The following DCPS variants were observed in gnomAD, a reference collection of about 807,000 sequenced individuals.
DCPS encodes the protein decapping enzyme, scavenger.
In DCPS, 27 loss-of-function variants were observed where a neutral mutation model predicts 34.7. The observed-to-expected ratio is 0.78, with a 90% CI of 0.57 to 1.07. DCPS has a LOEUF of 1.07. DCPS is among the 50% of genes least tolerant of loss of function. DCPS has a pLI of 0.00. For missense variants in DCPS, 464 were observed against 436.9 expected (o/e 1.06, Z -0.55); for synonymous variants, 185 against 185.7 (o/e 1.00, Z 0.03).
chr11:126,343,512 C>G, intron 5 of DCPS, 95 bp downstream of exon 5: 1 of 1,049,762 alleles, frequency 9.5e-7, no homozygotes, highest in East Asian at 2.6e-5. Flanking sequence ...TCCCAGAGTC[C>G]ATCTTGGAGA....
At chr11:126,321,010 C>G (rs1951702199) in intron 2 of DCPS, among the ~76,000 whole-genome samples, 1 of 151,978 alleles carries the variant, frequency 6.6e-6, no homozygotes, top group Non-Finnish European at 1.5e-5. Context: ...ACTCCCAGCA[C>G]TTTGGGAGGC....
chr11:126,308,660 T>C (rs1240945955), intron 2 of DCPS, among the ~76,000 whole-genome samples: 1 of 152,200 alleles, frequency 6.6e-6, no homozygotes, highest in African/African-American at 2.4e-5. Flanking sequence ...GCCCCCTGCA[T>C]TGCAGGCTCT....
rs189872207 is a variant in DCPS, at chr11:126,312,075, C to T, written c.376+5331C>T. On this transcript the variant is annotated intron_variant, in intron 2 of 5. Coordinates refer to ENST00000263579, the MANE Select transcript of DCPS (RefSeq NM_014026.6). The surrounding 1 kb of genome is among the most constrained non-coding windows in gnomAD (Gnocchi z 5.1). ...CCTCCCGAGTAGCTGGGATTACAGG[C>T]ATCCTCCACCATGCCTGGCTAATTT... Among the ~76,000 whole-genome samples the T allele has an allele frequency of 6.6e-6, 1 of 152,094 alleles. No homozygotes were observed. Among genetic ancestry groups the T allele is most frequent in the South Asian group, 2.1e-4 (1 of 4,812 alleles).
rs539269923 is a variant in DCPS, at chr11:126,338,852, C to T, written c.636+453C>T. 4.6e-5 allele frequency among the ~76,000 whole-genome samples: 7 copies of T among 152,298 alleles called. No homozygotes were observed. The highest frequency in any genetic ancestry group is 7.3e-5 in the Non-Finnish European group (5 of 68,032). On this transcript the variant is annotated intron_variant, in intron 4 of 5. Transcript: ENST00000263579. The surrounding 1 kb of genome is among the most constrained non-coding windows in gnomAD (Gnocchi z 5.4). ...AACCCAAGGCATCTCCTCCTCAGCCCGAGCTGTGGAGTAGCTTAGCCCAGA... is the reference window on the plus strand; with the variant it reads ...AACCCAAGGCATCTCCTCCTCAGCCTGAGCTGTGGAGTAGCTTAGCCCAGA...
rs1305079448 is a variant in DCPS, at chr11:126,344,233, G to A, written c.747+816G>A. Among the ~76,000 whole-genome samples, 1 of 152,216 alleles carries A rather than the reference G, an allele frequency of 6.6e-6. No individual in the cohort carries two copies. The highest frequency in any genetic ancestry group is 1.5e-5 in the Non-Finnish European group (1 of 68,040). On this transcript the variant is annotated intron_variant, in intron 5 of 5. Transcript: ENST00000263579. This position sits in a 1 kb window ranked among gnomAD's most constrained non-coding sequence, Gnocchi z 8.1. ...GGTGTTAATGCAGACCTGGAGGCAA[G>A]GCTCTGCCCATACCCAGCTTCCCCT...
In DCPS at chr11:126,345,599, G is replaced by T. The variant is rs749537300; in HGVS notation, c.1000G>T (p.Ala334Ser). The stretch of plus-strand genomic sequence containing the variant: ...CCCCCTGCTCAAGCTCTTGCAGGAG[G>T]CTCAGCAAAGCTGAATTAACTCAGG... ...DDPLLKLLQE[A>S]QQS The change falls in exon 6 of 6, where the codon GCT becomes TCT. Residue 334 changes from alanine to serine, a missense_variant. Physicochemically the swap from Ala to Ser is moderately conservative, Grantham distance 99. Coordinates refer to ENST00000263579, the MANE Select transcript of DCPS (RefSeq NM_014026.6). This position sits in a 1 kb window ranked among gnomAD's most constrained non-coding sequence, Gnocchi z 7.4. 1 of 1,612,798 alleles carries T rather than the reference G, an allele frequency of 6.2e-7. No individual in the cohort carries two copies. Among genetic ancestry groups the T allele is most frequent in the Admixed American group, 1.7e-5 (1 of 60,026 alleles).
chr11:126,340,190 C>G (rs1951865705), intron 4 of DCPS, among the ~76,000 whole-genome samples: 1 of 152,212 alleles, frequency 6.6e-6, no homozygotes, highest in South Asian at 2.1e-4. Context: ...ACAGGAAAGA[C>G]TTTAGGAGCT....
chr11:126,306,838 G>A, intron 2 of DCPS, 94 bp downstream of exon 2: 2 of 1,400,958 alleles, frequency 1.4e-6, no homozygotes, highest in South Asian at 2.9e-5. Context: ...TACCCGATTT[G>A]CATATTCTAG....
At chr11:126,318,622 T>G (rs910234355) in intron 2 of DCPS, among the ~76,000 whole-genome samples, 1 of 152,232 alleles carries the variant, frequency 6.6e-6, no homozygotes, top group Non-Finnish European at 1.5e-5. Context: ...CTGGCTCTTG[T>G]GGAGAGGACA....
chr11:126,326,496 G>T (rs1276959105), intron 2 of DCPS, among the ~76,000 whole-genome samples: 1 of 152,174 alleles, frequency 6.6e-6, no homozygotes, highest in African/African-American at 2.4e-5. Context: ...GTTCATTTTT[G>T]CGTGTCAGGC....
At chr11:126,307,850 G>A (rs2096914) in intron 2 of DCPS, among the ~76,000 whole-genome samples, 29,899 of 152,142 alleles carry the variant, frequency 0.2, 3,991 homozygotes, top group East Asian at 0.65. Context: ...TGAGGAAACC[G>A]GTTTTTGAAA....
intron 2 of DCPS, among the ~76,000 whole-genome samples, chr11:126,307,411 A>AAC (rs1215779888): frequency 6.6e-6 from 1 of 151,122 alleles, no homozygotes; most frequent in Non-Finnish European, 1.5e-5. Flanking sequence ...GGGATAGAAT[A>AAC]ATATATATAT....
At position 126,347,318 on chromosome 11, in the gene DCPS, G is replaced by C. The variant is rs1023735754; in HGVS notation, c.*1705G>C. ...GACTCACTGCAACCTCTGCCTCCTG[G>C]GTTCAAGTGATTCTCCTGCCTCAGC... On this transcript the variant is annotated 3_prime_UTR_variant, in exon 6 of 6. Coordinates refer to ENST00000263579, the MANE Select transcript of DCPS (RefSeq NM_014026.6). This position sits in a 1 kb window ranked among gnomAD's most constrained non-coding sequence, Gnocchi z 4.2. Among the ~76,000 whole-genome samples the C allele has an allele frequency of 6.6e-6, 1 of 151,132 alleles. No homozygotes were observed. The highest frequency in any genetic ancestry group is 1.5e-5 in the Non-Finnish European group (1 of 67,908).
In DCPS at chr11:126,334,363, G is replaced by A. The variant is rs1951815080; in HGVS notation, c.522+2813G>A. ...TTATTTATTATTTATTTATTTTTGA[G>A]ATGGAGTTTCACTCTTGTTGCCCAA... is the stretch of plus-strand genomic sequence containing the variant. On this transcript the variant is annotated intron_variant, in intron 3 of 5. Coordinates refer to ENST00000263579, the MANE Select transcript of DCPS (RefSeq NM_014026.6). This position sits in a 1 kb window ranked among gnomAD's most constrained non-coding sequence, Gnocchi z 5.5. 6.6e-6 allele frequency among the ~76,000 whole-genome samples: 1 copy of A among 152,036 alleles called. No homozygotes were observed. Among genetic ancestry groups the A allele is most frequent in the Admixed American group, 6.6e-5 (1 of 15,258 alleles).
intron 2 of DCPS, among the ~76,000 whole-genome samples, chr11:126,324,531 C>T (rs1206492496): frequency 6.6e-6 from 1 of 150,900 alleles, no homozygotes; most frequent in Non-Finnish European, 1.5e-5. Context: ...CTGCGCTCAT[C>T]ACAACCTCCG....
At chr11:126,310,521 G>T (rs894652115) in intron 2 of DCPS, among the ~76,000 whole-genome samples, 2 of 152,196 alleles carry the variant, frequency 1.3e-5, no homozygotes, top group Admixed American at 1.3e-4. Flanking sequence ...GGAGAGTTTG[G>T]TCACTGCCTG....
In DCPS at chr11:126,345,799, T is replaced by G; in HGVS notation, c.*186T>G. ...GAGGCAGACAGATGGTGGGGGACAG[T>G]GGGTGGGTAGAACCTGTGGGAAGGC... On this transcript the variant is annotated 3_prime_UTR_variant, in exon 6 of 6. Coordinates refer to ENST00000263579, the MANE Select transcript of DCPS (RefSeq NM_014026.6). The surrounding 1 kb of genome is among the most constrained non-coding windows in gnomAD (Gnocchi z 7.4). The G allele has an allele frequency of 1.2e-6, 1 of 852,054 alleles. No individual in the cohort carries two copies. The highest frequency in any genetic ancestry group is 1.8e-6 in the Non-Finnish European group (1 of 567,308). 52.8% of individuals were successfully genotyped at this position (852,054 alleles called of 1,614,324 possible). A position where few individuals can be genotyped will look rare whatever the true frequency, so the allele number is the denominator to read the frequency against.
In DCPS at chr11:126,315,357, C is replaced by T. The variant is rs530213159; in HGVS notation, c.376+8613C>T. On this transcript the variant is annotated intron_variant, in intron 2 of 5. Coordinates refer to ENST00000263579, the MANE Select transcript of DCPS (RefSeq NM_014026.6). The surrounding 1 kb of genome is among the most constrained non-coding windows in gnomAD (Gnocchi z 6.1). ...GGTGGATCATTTGAGGTCAGGAGTT[C>T]GAGACCAGCCTGGCCAACATGGTGA... 6.6e-6 allele frequency among the ~76,000 whole-genome samples: 1 copy of T among 152,038 alleles called. No individual in the cohort carries two copies. The highest frequency in any genetic ancestry group is 2.1e-4 in the South Asian group (1 of 4,812).
At chr11:126,317,671 G>A (rs532246853) in intron 2 of DCPS, among the ~76,000 whole-genome samples, 1 of 152,350 alleles carries the variant, frequency 6.6e-6, no homozygotes, top group South Asian at 2.1e-4. Context: ...GTGAATTAAA[G>A]ACATGCCTTC....
Sources: allele counts gnomAD v4.1 joint callset (sites outside exome capture counted in the v4.1 genomes callset), GRCh38; gene constraint gnomAD v4.1.1; non-coding constraint Gnocchi (gnomAD v3.1); transcripts MANE v1.5; gene names NCBI Gene and HGNC (gene_info 2026-07-23, HGNC 2026-07-21).